Variants in PTPN12 observed in about 807,000 individuals in gnomAD.
PTPN12 encodes protein tyrosine phosphatase non-receptor type 12.
PTPN12 carries 29 observed loss-of-function variants against 97.6 expected under a neutral mutation model. That is an observed-to-expected ratio of 0.30 (90% CI 0.22 to 0.41). The LOEUF (loss-of-function observed/expected upper bound fraction) is 0.41. Among genes scored for constraint, PTPN12 ranks in the 10% least tolerant of loss-of-function variants. The pLI is 1.00. For synonymous variants in PTPN12, 327 were observed against 300.4 expected (o/e 1.09, Z -0.91); for missense variants, 819 against 926.0 (o/e 0.88, Z 1.50).
At chr7:77,560,829 T>C (rs1188971327) in intron 1 of PTPN12, among the ~76,000 whole-genome samples, 2 of 152,230 alleles carry the variant, frequency 1.3e-5, no homozygotes, top group African/African-American at 4.8e-5. Context: ...TTCCACCTTT[T>C]GGCTATTGTG....
At chr7:77,618,186 A>G (rs745713408) in intron 11 of PTPN12, among the ~76,000 whole-genome samples, 1 of 151,906 alleles carries the variant, frequency 6.6e-6, no homozygotes, top group African/African-American at 2.4e-5. Flanking sequence ...TCTTTAATCC[A>G]CATTATCTTG....
intron 1 of PTPN12, among the ~76,000 whole-genome samples, chr7:77,563,511 A>T (rs1205639926): frequency 5.9e-5 from 9 of 152,228 alleles, no homozygotes. Flanking sequence ...CTATCAGGAA[A>T]AATTTCATGA....
chr7:77,610,261 T>G (rs1400174777), intron 9 of PTPN12, among the ~76,000 whole-genome samples: 2 of 152,252 alleles, frequency 1.3e-5, no homozygotes, highest in Non-Finnish European at 2.9e-5. Context: ...CAGGAGATAC[T>G]GGCCAATAGA....
At chr7:77,636,059 A>G (rs1789579057) in intron 15 of PTPN12, among the ~76,000 whole-genome samples, 1 of 152,182 alleles carries the variant, frequency 6.6e-6, no homozygotes, top group Non-Finnish European at 1.5e-5. Context: ...TGATCTACAT[A>G]CAACTATCAC....
intron 12 of PTPN12, 151 bp from the exon 13 acceptor site, chr7:77,626,554 G>A: frequency 5.5e-6 from 4 of 730,230 alleles, no homozygotes; most frequent in Non-Finnish European, 8.6e-6. Context: ...TTACCTTGAT[G>A]AACATTAAAT....
intron 1 of PTPN12, among the ~76,000 whole-genome samples, chr7:77,554,394 C>A (rs1807609506): frequency 6.6e-6 from 1 of 152,160 alleles, no homozygotes; most frequent in Non-Finnish European, 1.5e-5. Context: ...GACAAAGTAA[C>A]CCTAATTCTA....
At chr7:77,571,483 C>A (rs1197316353) in intron 2 of PTPN12, among the ~76,000 whole-genome samples, 1 of 152,038 alleles carries the variant, frequency 6.6e-6, no homozygotes, top group African/African-American at 2.4e-5. Flanking sequence ...GATGTTATTT[C>A]ATTAAAATAA....
At chr7:77,600,990 C>G (rs1024834727) in intron 8 of PTPN12, 184 bp downstream of exon 8, 3 of 537,386 alleles carry the variant, frequency 5.6e-6, no homozygotes, top group African/African-American at 3.8e-5. Flanking sequence ...AGTATTGTTG[C>G]ATTAAAACAC....
chr7:77,627,527 T>C lies in PTPN12; in HGVS notation c.1848T>C (p.Ala616=). ...SDSDERNSDG[A]VTQNKTNIST... is the part of the protein sequence containing the mutation. ...CAGATGAAAGAAACTCTGATGGTGCTGTGACCCAGAATAAAACTAATATTT... is the reference window on the plus strand; with the variant it reads ...CAGATGAAAGAAACTCTGATGGTGCCGTGACCCAGAATAAAACTAATATTT... The change falls in exon 13 of 18, where the codon GCT becomes GCC. Residue 616 remains alanine (A), a synonymous_variant. Transcript: ENST00000248594. The C allele has an allele frequency of 6.2e-7, 1 of 1,614,138 alleles. No individual in the cohort carries two copies.
intron 11 of PTPN12, among the ~76,000 whole-genome samples, chr7:77,615,416 C>G (rs965075977): frequency 6.6e-6 from 1 of 151,994 alleles, no homozygotes; most frequent in South Asian, 2.1e-4. Context: ...AATAACAGTA[C>G]GCAAGATAAC....
At chr7:77,557,300 C>T (rs1430741413) in intron 1 of PTPN12, among the ~76,000 whole-genome samples, 1 of 152,132 alleles carries the variant, frequency 6.6e-6, no homozygotes, top group Non-Finnish European at 1.5e-5. Flanking sequence ...TAGTTGTTCA[C>T]ACTGAGCCTC....
intron 1 of PTPN12, among the ~76,000 whole-genome samples, chr7:77,561,455 C>T (rs1300257585): frequency 6.6e-6 from 1 of 152,128 alleles, no homozygotes; most frequent in African/African-American, 2.4e-5. Context: ...TAGTGGTTCA[C>T]CAGGAAGTGT....
intron 3 of PTPN12, among the ~76,000 whole-genome samples, chr7:77,582,448 A>G (rs573699428): frequency 1.3e-5 from 2 of 152,240 alleles, no homozygotes; most frequent in Admixed American, 6.5e-5. Flanking sequence ...TGGTGTTTAT[A>G]CATATTTTCA....
At position 77,627,314 on chromosome 7, in the gene PTPN12, A is replaced by G; in HGVS notation, c.1635A>G (p.Ile545Met). The G allele has an allele frequency of 6.2e-7, 1 of 1,614,198 alleles. No homozygotes were observed. Among genetic ancestry groups the G allele is most frequent in the South Asian group, 1.1e-5 (1 of 91,088 alleles). ...CATTTCATGGACCTGAAAATGCCAT[A>G]CCCATACCTGATTTATCTGAAGGCA... ...TWSFHGPENA[I>M]PIPDLSEGNS... Residue 545 changes from isoleucine to methionine, a missense_variant, in exon 13 of 18, where the codon ATA becomes ATG. Ile to Met is a conservative substitution (Grantham distance 10, BLOSUM62 1). Coordinates refer to ENST00000248594, the MANE Select transcript of PTPN12 (RefSeq NM_002835.4).
chr7:77,624,833 A>C, intron 12 of PTPN12, among the ~76,000 whole-genome samples: 1 of 152,094 alleles, frequency 6.6e-6, no homozygotes, highest in East Asian at 1.9e-4. Context: ...GGGGGGAGAA[A>C]AAAAAGCAAA....
rs1272042713 is a variant in PTPN12 at position 77,638,645 on chromosome 7, A to G, written c.2195A>G (p.His732Arg). The change falls in exon 17 of 18, where the codon CAC becomes CGC. Residue 732 changes from histidine (H) to arginine (R), a missense_variant. His to Arg is a conservative substitution (Grantham distance 29). This residue lies in a region of PTPN12 where 607 missense variants were observed against 577.3 expected (regional missense o/e 1.05). Transcript: ENST00000248594. ...EKCDHPAGGI[H>R]YEMCIECPPT... The stretch of plus-strand genomic sequence containing the variant: ...TTAGATCATCCAGCGGGAGGTATTC[A>G]CTATGAAATGTGCATAGAATGTCCA... 6.3e-7 allele frequency: 1 copy of G among 1,599,378 alleles called. No homozygotes were observed. The highest frequency in any genetic ancestry group is 1.8e-5 in the Admixed American group (1 of 56,860).
In PTPN12 at chr7:77,610,223, C is replaced by G. The variant is rs184271785; in HGVS notation, c.763-542C>G. 5.2e-3 allele frequency among the ~76,000 whole-genome samples: 796 copies of G among 152,276 alleles called. 6 individuals are homozygous for G. The highest frequency in any genetic ancestry group is 7.6e-3 in the Non-Finnish European group (518 of 68,024). ...AAAGGATCTATATTTTTACCTAGGT[C>G]TTTTAGCTGGTCCTTATATAGCCAA... On this transcript the variant is annotated intron_variant, in intron 9 of 17. Coordinates refer to ENST00000248594, the MANE Select transcript of PTPN12 (RefSeq NM_002835.4).
chr7:77,554,728 A>G (rs917360638), intron 1 of PTPN12, among the ~76,000 whole-genome samples: 1 of 152,166 alleles, frequency 6.6e-6, no homozygotes, highest in African/African-American at 2.4e-5. Flanking sequence ...CATCCAGGCT[A>G]TAATGCGGTG....
intron 16 of PTPN12, 149 bp downstream of exon 16, chr7:77,637,197 A>G: frequency 6.5e-6 from 4 of 613,056 alleles, no homozygotes; most frequent in Admixed American, 6.5e-5. Context: ...ATATTGTACT[A>G]TAATTCTTCC....
Sources: gnomAD v4.1 joint callset for allele counts (sites outside exome capture counted in the v4.1 genomes callset) on GRCh38, gnomAD v4.1.1 for gene constraint, gnomAD v4.1.1 regional missense constraint, MANE v1.5 for transcripts, NCBI Gene and HGNC (gene_info 2026-07-23, HGNC 2026-07-21) for gene names.